The following ARB2A variants were observed in gnomAD, a reference collection of about 807,000 sequenced individuals.
ARB2A encodes cotranscriptional regulator ARB2A.
the ARB2A span, among the ~76,000 whole-genome samples, chr5:93,712,242 GAAAACAAAAC>G: frequency 6.6e-6 from 1 of 151,978 alleles, no homozygotes. Context: ...AATTAAAATT[GAAAACAAAAC>G]AAAACAAAAC....
chr5:93,674,254 C>T, the ARB2A span, among the ~76,000 whole-genome samples: 2 of 152,192 alleles, frequency 1.3e-5, no homozygotes, highest in African/African-American at 4.8e-5. Context: ...TCAGTCGCCT[C>T]CAGTGTAGCT....
chr5:93,875,842 C>T, the ARB2A span, among the ~76,000 whole-genome samples: 1 of 149,560 alleles, frequency 6.7e-6, no homozygotes, highest in Admixed American at 6.7e-5. Context: ...AATTGGGGTA[C>T]ACAAGTTTCT....
the ARB2A span, among the ~76,000 whole-genome samples, chr5:93,886,488 A>G: frequency 6.6e-6 from 1 of 151,692 alleles, no homozygotes; most frequent in Non-Finnish European, 1.5e-5. Flanking sequence ...TTTATCTATA[A>G]ACGACATTTA....
At chr5:93,714,503 T>C in the ARB2A span, among the ~76,000 whole-genome samples, 2 of 152,240 alleles carry the variant, frequency 1.3e-5, no homozygotes, top group African/African-American at 4.8e-5. Flanking sequence ...CTACACTGCA[T>C]AATCACATAT....
chr5:93,871,011 C>G, the ARB2A span, among the ~76,000 whole-genome samples: 1 of 152,128 alleles, frequency 6.6e-6, no homozygotes, highest in African/African-American at 2.4e-5. Context: ...TATGATTATT[C>G]GGATTTGGGT....
At chr5:93,824,236 T>A in the ARB2A span, 1 of 1,594,302 alleles carries the variant, frequency 6.3e-7, no homozygotes, top group African/African-American at 1.4e-5. Flanking sequence ...ATCCCAAACA[T>A]AGATTGCATG....
the ARB2A span, among the ~76,000 whole-genome samples, chr5:93,873,492 G>A: frequency 3.9e-4 from 60 of 152,170 alleles, no homozygotes; most frequent in African/African-American, 1.4e-3. Context: ...AAAATCTACT[G>A]TGTTTACTAG....
the ARB2A span, among the ~76,000 whole-genome samples, chr5:93,718,618 T>G: frequency 6.6e-6 from 1 of 152,200 alleles, no homozygotes; most frequent in Admixed American, 6.5e-5. Context: ...CAGTTACTTG[T>G]AAGGCCCTAA....
chr5:94,053,187 T>C, the ARB2A span: 2 of 1,598,358 alleles, frequency 1.3e-6, no homozygotes, highest in Non-Finnish European at 1.7e-6. Flanking sequence ...GCGGTTCATC[T>C]TTTTTCATTA....
chr5:94,109,613 A>C, the ARB2A span, among the ~76,000 whole-genome samples: 1 of 152,222 alleles, frequency 6.6e-6, no homozygotes, highest in Admixed American at 6.5e-5. Flanking sequence ...CACCAAATCA[A>C]GGAATAAATA....
the ARB2A span, among the ~76,000 whole-genome samples, chr5:93,878,312 A>G: frequency 2.6e-5 from 4 of 152,142 alleles, no homozygotes; most frequent in Non-Finnish European, 5.9e-5. Flanking sequence ...AATATTTATT[A>G]TGAAGGCTCT....
the ARB2A span, among the ~76,000 whole-genome samples, chr5:93,937,551 G>A: frequency 1.3e-5 from 2 of 151,944 alleles, no homozygotes; most frequent in Admixed American, 6.6e-5. Flanking sequence ...GGCAGAGGTT[G>A]CAGTGAGCCG....
chr5:93,794,646 T>C, the ARB2A span, among the ~76,000 whole-genome samples: 5 of 152,330 alleles, frequency 3.3e-5, no homozygotes, highest in South Asian at 1.0e-3. Flanking sequence ...CCCCTAAGAA[T>C]GGGGCTTCCT....
chr5:93,905,374 T>C, the ARB2A span, among the ~76,000 whole-genome samples: 14 of 151,634 alleles, frequency 9.2e-5, no homozygotes, highest in African/African-American at 2.7e-4. Flanking sequence ...CAGAGACAAA[T>C]TGGCAATGTC....
At chr5:93,720,285 T>C in the ARB2A span, among the ~76,000 whole-genome samples, 1 of 152,202 alleles carries the variant, frequency 6.6e-6, no homozygotes, top group African/African-American at 2.4e-5. Context: ...ACGGAAAGCT[T>C]GCCAGTTTAC....
At chr5:94,034,789 G>A in the ARB2A span, among the ~76,000 whole-genome samples, 2 of 152,168 alleles carry the variant, frequency 1.3e-5, no homozygotes, top group East Asian at 3.9e-4. Context: ...AGTGCTGATT[G>A]GTGGCCTGTT....
the ARB2A span, among the ~76,000 whole-genome samples, chr5:93,782,183 TG>T: frequency 4.6e-5 from 7 of 152,224 alleles, no homozygotes; most frequent in African/African-American, 1.7e-4. Context: ...CCATCAGGCA[TG>T]ATCTAATAAT....
At chr5:93,641,961 G>C in the ARB2A span, among the ~76,000 whole-genome samples, 1 of 152,124 alleles carries the variant, frequency 6.6e-6, no homozygotes, top group East Asian at 1.9e-4. Flanking sequence ...ATTTGGTTCT[G>C]AGTTTCCTAT....
the ARB2A span, among the ~76,000 whole-genome samples, chr5:93,937,250 C>T: frequency 6.1e-4 from 92 of 150,912 alleles, no homozygotes; most frequent in African/African-American, 2.1e-3. Flanking sequence ...TATCCAATTG[C>T]GTGTATGTGT....
Sources: allele counts gnomAD v4.1 joint callset (sites outside exome capture counted in the v4.1 genomes callset), GRCh38; gene constraint gnomAD v4.1.1; transcripts MANE v1.5; gene names NCBI Gene and HGNC (gene_info 2026-07-23, HGNC 2026-07-21).